Variants in TRAF7 observed in about 807,000 individuals in gnomAD.
TRAF7 encodes the protein TNF receptor associated factor 7.
A neutral mutation model predicts 89.3 loss-of-function variants in TRAF7; 45 were observed. That is an observed-to-expected ratio of 0.50 (90% CI 0.40 to 0.65). TRAF7 has a LOEUF of 0.65. TRAF7 is among the 30% of genes least tolerant of loss of function. The probability of loss-of-function intolerance (pLI) is 0.00; values close to 1 mark genes in which losing one functional copy is unlikely to be tolerated. For missense variants in TRAF7, 677 were observed against 918.1 expected, an observed-to-expected ratio of 0.74 and a Z score of 3.39; for synonymous variants, 406 against 369.2, an observed-to-expected ratio of 1.10 and a Z score of -1.14.
chr16:2,165,639 C>T (rs258288), intron 2 of TRAF7, among the ~76,000 whole-genome samples: 2 of 140,488 alleles, frequency 1.4e-5, no homozygotes, highest in Admixed American at 7.2e-5. Context: ...CATGGTTAAG[C>T]GTGTGAGTGC....
In TRAF7 at chr16:2,170,560, C is replaced by A; in HGVS notation, c.232-54C>A. On this transcript the variant is annotated intron_variant, in intron 4 of 20. Coordinates refer to ENST00000326181, the MANE Select transcript of TRAF7 (RefSeq NM_032271.3). The stretch of plus-strand genomic sequence containing the variant: ...CCGCCGGGCTGGGTCCTGTCCTCCC[C>A]GAGGCTCTGACCCCGTGCGGAGCCC... 1 of 1,417,780 alleles carries A rather than the reference C, an allele frequency of 7.1e-7. No homozygotes were observed. The highest frequency in any genetic ancestry group is 2.4e-5 in the East Asian group (1 of 42,306). The allele number at this position is 1,417,780 out of a possible 1,614,324, so 87.8% of individuals were successfully genotyped here. A position where few individuals can be genotyped will look rare whatever the true frequency, so the allele number is the denominator to read the frequency against.
At chr16:2,164,178 G>GCA (rs1217371159) in intron 2 of TRAF7, among the ~76,000 whole-genome samples, 177 bp downstream of exon 2, 1 of 131,214 alleles carries the variant, frequency 7.6e-6, no homozygotes, top group Admixed American at 7.4e-5. Context: ...GCGCGCGCGC[G>GCA]CGCACGCGTG....
Position 2,172,448 on chromosome 16 carries a change from A to C in TRAF7, c.660-17A>C, listed in dbSNP as rs910346978. The C allele has an allele frequency of 5.0e-6, 8 of 1,610,668 alleles. No individual in the cohort carries two copies. In the South Asian group the frequency reaches 7.7e-5, roughly 16 times the overall value. ...AGGGCTCTGGCTGAGGCCTCCCCGC[A>C]TCCCGCCCTGGCACAGGGACCACGA... is the stretch of plus-strand genomic sequence containing the variant. On this transcript the variant is annotated splice_polypyrimidine_tract_variant and intron_variant, in intron 8 of 20. Coordinates refer to ENST00000326181, the MANE Select transcript of TRAF7 (RefSeq NM_032271.3).
chr16:2,170,826 A>C, intron 5 of TRAF7, 96 bp downstream of exon 5: 11 of 1,211,640 alleles, frequency 9.1e-6, no homozygotes, highest in Non-Finnish European at 1.3e-5. Flanking sequence ...CGCCCAGCTC[A>C]CAGGGAGAGG....
Position 2,177,003 on chromosome 16 carries a change from A to T in TRAF7, c.*429A>T, listed in dbSNP as rs1596681798. The T allele has an allele frequency of 5.5e-6, 2 of 361,976 alleles. No homozygotes were observed. The highest frequency in any genetic ancestry group is 8.8e-5 in the East Asian group (2 of 22,662). 22.4% of individuals were successfully genotyped at this position (361,976 alleles called of 1,614,324 possible). ...GTGTGGCCTTGAGGTTGGTGTGCAC[A>T]GGCACTGGCTGCTGTGAGTGGGGGG... is the stretch of plus-strand genomic sequence containing the variant. On this transcript the variant is annotated 3_prime_UTR_variant, in exon 21 of 21. Transcript: ENST00000326181.
At chr16:2,160,803 C>T (rs919235559) in intron 1 of TRAF7, among the ~76,000 whole-genome samples, 10 of 152,034 alleles carry the variant, frequency 6.6e-5, no homozygotes, top group African/African-American at 1.9e-4. Context: ...GCCCGGCCAC[C>T]CCCCAGCCTC....
intron 1 of TRAF7, among the ~76,000 whole-genome samples, chr16:2,160,558 C>T (rs1354216256): frequency 4.5e-4 from 3 of 6,600 alleles, no homozygotes; most frequent in African/African-American, 2.2e-3. Context: ...GATGGGCGGG[C>T]GGTGTGGGTG....
chr16:2,156,845 C>G (rs1459657956), intron 1 of TRAF7, among the ~76,000 whole-genome samples: 2 of 152,190 alleles, frequency 1.3e-5, no homozygotes, highest in African/African-American at 4.8e-5. Context: ...GGACCACAGA[C>G]TTCAGAGTTC....
rs549823099 is a variant in TRAF7 at position 2,173,651 on chromosome 16, G to A, written c.1086+97G>A. 1,537 of 1,577,828 alleles carry A rather than the reference G, an allele frequency of 9.7e-4. 10 individuals carry two copies. Among genetic ancestry groups the A allele is most frequent in the South Asian group, 7.4e-3 (660 of 89,672 alleles). On this transcript the variant is annotated intron_variant, in intron 11 of 20. Coordinates refer to ENST00000326181, the MANE Select transcript of TRAF7 (RefSeq NM_032271.3). Reference sequence around the variant, plus strand: ...CCCTGGCCTTGCCTACACTAGTCAAGATCAGGGGTCTTGTGTGTGGCAGGG... The same window carrying A: ...CCCTGGCCTTGCCTACACTAGTCAAAATCAGGGGTCTTGTGTGTGGCAGGG...
At chr16:2,170,090 G>A (rs949130065) in intron 4 of TRAF7, among the ~76,000 whole-genome samples, 5 of 152,156 alleles carry the variant, frequency 3.3e-5, no homozygotes, top group African/African-American at 7.2e-5. Flanking sequence ...GAGGTTCTCT[G>A]GGGGCCTGGC....
chr16:2,161,178 C>T lies in TRAF7; in HGVS notation c.-38-2705C>T, dbSNP rs1188729985. Among the ~76,000 whole-genome samples, 1 of 148,126 alleles carries T rather than the reference C, an allele frequency of 6.8e-6. No individual in the cohort carries two copies. The highest frequency in any genetic ancestry group is 6.7e-5 in the Admixed American group (1 of 14,976). On this transcript the variant is annotated intron_variant, in intron 1 of 20. Transcript: ENST00000326181. This position sits in a 1 kb window ranked among gnomAD's most constrained non-coding sequence, Gnocchi z 5.2. ...CCTGTGCAGAGTATCCCCCTCCTTCCCTCCCTCCTTCCGTCCCCCTCCCTC... is the reference window on the plus strand; with the variant it reads ...CCTGTGCAGAGTATCCCCCTCCTTCTCTCCCTCCTTCCGTCCCCCTCCCTC...
Position 2,159,447 on chromosome 16 carries a change from G to A in TRAF7, c.-39+3589G>A, listed in dbSNP as rs79748627. The stretch of plus-strand genomic sequence containing the variant: ...CCTGCCTATTTGGGATGGAAAAAAC[G>A]TTCTAAGGGACGTCAGGGAACAGCG... On this transcript the variant is annotated intron_variant, in intron 1 of 20. Transcript: ENST00000326181. The surrounding 1 kb of genome is among the most constrained non-coding windows in gnomAD (Gnocchi z 6.5). Among the ~76,000 whole-genome samples the A allele has an allele frequency of 6.8e-3, 1,034 of 152,336 alleles. 10 individuals carry two copies. Among genetic ancestry groups the A allele is most frequent in the African/African-American group, 0.024 (981 of 41,584 alleles).
rs940492175 is a variant in TRAF7, at chr16:2,159,626, C to T, written c.-39+3768C>T. ...GCTCTGTGATGCCAGGGGCCACGCT[C>T]GGAGCTCTGGCCGCAGTCCAGCCAG... On this transcript the variant is annotated intron_variant, in intron 1 of 20. Transcript: ENST00000326181. The surrounding 1 kb of genome is among the most constrained non-coding windows in gnomAD (Gnocchi z 6.5). Among the ~76,000 whole-genome samples the T allele has an allele frequency of 6.6e-6, 1 of 152,142 alleles. No homozygotes were observed. Among genetic ancestry groups the T allele is most frequent in the Non-Finnish European group, 1.5e-5 (1 of 68,000 alleles).
intron 4 of TRAF7, 71 bp from the exon 5 acceptor site, chr16:2,170,543 C>A: frequency 8.2e-7 from 1 of 1,220,128 alleles, no homozygotes. Flanking sequence ...TTCCGCCGGG[C>A]TGGGTCCTGT....
At position 2,171,278 on chromosome 16, in the gene TRAF7, T is replaced by G; in HGVS notation, c.363T>G (p.Phe121Leu). 6.4e-7 allele frequency: 1 copy of G among 1,551,256 alleles called. No individual in the cohort carries two copies. ...EEEEEPEPLVFAEQPSVKLCC... is the reference protein window; with the variant it reads ...EEEEEPEPLVLAEQPSVKLCC... ...CTTGGTTCCAGGAGCCACTGGTGTT[T>G]GCGGAGCAGCCCTCGGTGAAGCTGT... is the stretch of plus-strand genomic sequence containing the variant. Residue 121 changes from phenylalanine (F) to leucine (L), a missense_variant, in exon 6 of 21, where the codon TTT becomes TTG. Around this residue, in one of 6 missense-constraint regions of TRAF7, gnomAD observed 240 missense variants for 191.9 expected, o/e 1.25. Coordinates refer to ENST00000326181, the MANE Select transcript of TRAF7 (RefSeq NM_032271.3).
intron 9 of TRAF7, 65 bp downstream of exon 9, chr16:2,172,664 G>C (rs2093117837): frequency 6.7e-7 from 1 of 1,500,798 alleles, no homozygotes; most frequent in Non-Finnish European, 9.0e-7. Flanking sequence ...TCCGCTGAGA[G>C]CTGCCCGCTT....
intron 14 of TRAF7, among the ~76,000 whole-genome samples, 190 bp downstream of exon 14, chr16:2,174,523 C>T (rs928940088): frequency 3.9e-5 from 6 of 152,196 alleles, no homozygotes; most frequent in African/African-American, 1.2e-4. Flanking sequence ...CCTACACCAT[C>T]TCCAAAGTTG....
chr16:2,157,281 G>C (rs556833517), intron 1 of TRAF7, among the ~76,000 whole-genome samples: 2 of 152,166 alleles, frequency 1.3e-5, no homozygotes, highest in South Asian at 2.1e-4. Flanking sequence ...CGTGTCCTGA[G>C]GGGGAGCAGT....
At position 2,177,743 on chromosome 16, in the gene TRAF7, G is replaced by A. The variant is rs957771225; in HGVS notation, c.*1169G>A. ...ACACCCACATTCACCAAACCCACCC[G>A]CGCCCTGGGACGCAGCCACGCCAGG... On this transcript the variant is annotated 3_prime_UTR_variant, in exon 21 of 21. Transcript: ENST00000326181. The A allele has an allele frequency of 4.5e-5, 11 of 242,630 alleles. No individual in the cohort carries two copies. Among genetic ancestry groups the A allele is most frequent in the African/African-American group, 8.9e-5 (4 of 45,048 alleles). The allele number at this position is 242,630 out of a possible 1,614,324, so 15.0% of individuals were successfully genotyped here.
Sources: gnomAD v4.1 joint callset for allele counts (sites outside exome capture counted in the v4.1 genomes callset) on GRCh38, gnomAD v4.1.1 for gene constraint, gnomAD v4.1.1 regional missense constraint, Gnocchi (gnomAD v3.1) non-coding constraint, MANE v1.5 for transcripts, NCBI Gene and HGNC (gene_info 2026-07-23, HGNC 2026-07-21) for gene names.